TRIOBP: variants seen among roughly 807,000 people sequenced by gnomAD.
TRIOBP encodes TRIO and F-actin-binding protein.
In TRIOBP, 169 loss-of-function variants were observed where a neutral mutation model predicts 238.8. That is an observed-to-expected ratio of 0.71 (90% CI 0.62 to 0.80). The LOEUF (loss-of-function observed/expected upper bound fraction) is 0.80, where lower values mean the gene tolerates loss of function less well. Ranked by LOEUF, TRIOBP falls within the 30% of genes least tolerant of loss-of-function variation. The pLI, the probability that TRIOBP is intolerant of heterozygous loss-of-function variation, is 0.00. For synonymous variants in TRIOBP, 1,150 were observed against 1,274.4 expected (o/e 0.90, Z 2.08); for missense variants, 2,838 against 3,122.6 (o/e 0.91, Z 2.17).
chr22:37,755,437 T>C, intron 14 of TRIOBP, 113 bp from the exon 15 acceptor site: 1 of 1,055,596 alleles, frequency 9.5e-7, no homozygotes, highest in Non-Finnish European at 1.4e-6. Context: ...CACCCCAGAC[T>C]CAAGACCTTA....
chr22:37,704,281 G>A (rs1405561975), intron 3 of TRIOBP, among the ~76,000 whole-genome samples: 9 of 152,176 alleles, frequency 5.9e-5, no homozygotes, highest in Non-Finnish European at 2.9e-5. Flanking sequence ...TACTCAGGAG[G>A]CTGAGGTGGG....
chr22:37,723,473 A>G lies in TRIOBP; in HGVS notation c.917A>G (p.Gln306Arg). 3 of 1,612,492 alleles carry G rather than the reference A, an allele frequency of 1.9e-6. No homozygotes were observed. Among genetic ancestry groups the G allele is most frequent in the Non-Finnish European group, 2.5e-6 (3 of 1,179,636 alleles). Residue 306 changes from glutamine to arginine, a missense_variant, in exon 7 of 24, where the codon CAA becomes CGA. Coordinates refer to ENST00000644935, the MANE Select transcript of TRIOBP (RefSeq NM_001039141.3). The stretch of plus-strand genomic sequence containing the variant: ...GAAATCTCCAGGGCCTCATCCACCC[A>G]ACAGGAAACCTCCAGGGCCTCATCC... ...QQEISRASST[Q>R]QETSRASSTQ...
intron 11 of TRIOBP, among the ~76,000 whole-genome samples, chr22:37,747,678 T>A (rs1383422658): frequency 6.6e-6 from 1 of 152,234 alleles, no homozygotes; most frequent in Non-Finnish European, 1.5e-5. Context: ...GAAGTTGCCT[T>A]GCCCACCGGG....
intron 11 of TRIOBP, among the ~76,000 whole-genome samples, chr22:37,744,257 G>A (rs979140817): frequency 2.0e-5 from 3 of 151,926 alleles, no homozygotes; most frequent in Non-Finnish European, 4.4e-5. Context: ...TGATCCACCC[G>A]CCTCGGCCTC....
intron 7 of TRIOBP, among the ~76,000 whole-genome samples, chr22:37,727,061 C>A (rs1269336936): frequency 6.6e-6 from 1 of 151,790 alleles, no homozygotes; most frequent in African/African-American, 2.4e-5. Context: ...CACGTGCCAC[C>A]ACACCCGGCT....
Position 37,715,578 on chromosome 22 carries a change from C to T in TRIOBP, c.457-185C>T, listed in dbSNP as rs1174943668. On this transcript the variant is annotated intron_variant, in intron 5 of 23. Coordinates refer to ENST00000644935, the MANE Select transcript of TRIOBP (RefSeq NM_001039141.3). ...CAGGATGGTCTCGATCTCCTGACCT[C>T]GTGATCCACCCACCTCGTCCTCCCA... 3.3e-5 allele frequency among the ~76,000 whole-genome samples: 5 copies of T among 150,176 alleles called. No homozygotes were observed. In the South Asian group the frequency reaches 6.3e-4, roughly 19 times the overall value.
chr22:37,763,235 C>T (rs1156329576), intron 17 of TRIOBP, among the ~76,000 whole-genome samples: 1 of 152,162 alleles, frequency 6.6e-6, no homozygotes, highest in East Asian at 1.9e-4. Flanking sequence ...GCCCAGGGAG[C>T]CTCGGGGGCT....
intron 21 of TRIOBP, among the ~76,000 whole-genome samples, chr22:37,770,074 T>C (rs1926689562): frequency 6.7e-6 from 1 of 150,186 alleles, no homozygotes; most frequent in Non-Finnish European, 1.5e-5. Context: ...GACAGAGTTT[T>C]GCTGTTGTTG....
intron 6 of TRIOBP, among the ~76,000 whole-genome samples, chr22:37,719,157 C>T (rs186373397): frequency 1.1e-4 from 17 of 150,314 alleles, no homozygotes; most frequent in African/African-American, 3.9e-4. Context: ...GAGCTGAGAT[C>T]GCCCCACTGC....
chr22:37,734,506 G>A lies in TRIOBP; in HGVS notation c.4170G>A (p.Gln1390=), dbSNP rs564145062. Reference sequence around the variant, plus strand: ...GACCTGAGGGAGATCGGCAGCTCCAGGGGTCCCCGCTGCCCCCCAGGACAT... The same window carrying A: ...GACCTGAGGGAGATCGGCAGCTCCAAGGGTCCCCGCTGCCCCCCAGGACAT... ...EKRPEGDRQL[Q]GSPLPPRTSA... Residue 1390 remains glutamine (Q), a synonymous_variant, in exon 9 of 24, where the codon CAG becomes CAA. Transcript: ENST00000644935. 1.5e-5 allele frequency: 24 copies of A among 1,608,696 alleles called. No individual in the cohort carries two copies. Among genetic ancestry groups the A allele is most frequent in the Non-Finnish European group, 1.8e-5 (21 of 1,178,170 alleles).
chr22:37,714,127 G>A (rs188385866), intron 5 of TRIOBP, among the ~76,000 whole-genome samples: 6 of 152,140 alleles, frequency 3.9e-5, no homozygotes, highest in African/African-American at 9.7e-5. Context: ...GAGGCTCAGC[G>A]GGGGGAGCAA....
chr22:37,720,477 A>G (rs928933118), intron 6 of TRIOBP, among the ~76,000 whole-genome samples: 7 of 151,900 alleles, frequency 4.6e-5, no homozygotes, highest in African/African-American at 1.7e-4. Flanking sequence ...CAGGTTTCCC[A>G]TCTCTTCCAG....
intron 3 of TRIOBP, among the ~76,000 whole-genome samples, chr22:37,708,074 GTC>G (rs1923041982): frequency 1.3e-5 from 2 of 149,740 alleles, no homozygotes; most frequent in African/African-American, 4.9e-5. Flanking sequence ...GTGAAACCCT[GTC>G]TCTACTAAAA....
chr22:37,754,885 C>T lies in TRIOBP; in HGVS notation c.5388C>T (p.Ser1796=). 1.2e-6 allele frequency: 2 copies of T among 1,614,144 alleles called. No individual in the cohort carries two copies. The highest frequency in any genetic ancestry group is 1.3e-5 in the African/African-American group (1 of 75,036). ...TTCCATCCTCCTTGCAGCCTCCCTCCCCCTCGCTCACCACCACCTCTACTT... is the reference window on the plus strand; with the variant it reads ...TTCCATCCTCCTTGCAGCCTCCCTCTCCCTCGCTCACCACCACCTCTACTT... ...SILDEPGEPP[S]PSLTTTSTSQ... The change falls in exon 13 of 24, where the codon TCC becomes TCT. Residue 1796 remains serine (S), a synonymous_variant. Transcript: ENST00000644935.
chr22:37,698,217 AAGAAAG>A (rs1200991716), intron 2 of TRIOBP, among the ~76,000 whole-genome samples: 5 of 127,620 alleles, frequency 3.9e-5, no homozygotes, highest in African/African-American at 1.5e-4. Context: ...AAAAAAAAAA[AAGAAAG>A]AAAGACACCA....
At chr22:37,763,294 G>T (rs1240319748) in intron 17 of TRIOBP, among the ~76,000 whole-genome samples, 1 of 152,200 alleles carries the variant, frequency 6.6e-6, no homozygotes, top group Non-Finnish European at 1.5e-5. Flanking sequence ...GCTCAGAGGG[G>T]GCGAGGGGTT....
intron 23 of TRIOBP, among the ~76,000 whole-genome samples, chr22:37,773,427 C>T (rs984184128): frequency 6.6e-6 from 1 of 152,136 alleles, no homozygotes; most frequent in Non-Finnish European, 1.5e-5. Context: ...CCGTGATTTC[C>T]CAGGCTGGTC....
rs763982072 is a variant in TRIOBP at position 37,723,664 on chromosome 22, A to C, written c.1108A>C (p.Thr370Pro). 1 of 1,613,774 alleles carries C rather than the reference A, an allele frequency of 6.2e-7. No homozygotes were observed. Among genetic ancestry groups the C allele is most frequent in the South Asian group, 1.1e-5 (1 of 91,038 alleles). ...GGACAACCCCCAAACTTCTTTTCCTACTTGTACTCCCCAGCGGGAAAACCC... is the reference window on the plus strand; with the variant it reads ...GGACAACCCCCAAACTTCTTTTCCTCCTTGTACTCCCCAGCGGGAAAACCC... ...QQDNPQTSFP[T>P]CTPQRENPRT... is the part of the protein sequence containing the mutation. Residue 370 changes from threonine to proline, a missense_variant, in exon 7 of 24, where the codon ACT becomes CCT. Thr to Pro is a conservative substitution (Grantham distance 38). Transcript: ENST00000644935.
At chr22:37,734,292 G>C in intron 8 of TRIOBP, 107 bp from the exon 9 acceptor site, 1 of 1,079,746 alleles carries the variant, frequency 9.3e-7, no homozygotes, top group Non-Finnish European at 1.4e-6. Context: ...TTTGATTCAG[G>C]CTGCTGTGTG....
Sources: gnomAD v4.1 joint callset for allele counts (sites outside exome capture counted in the v4.1 genomes callset) on GRCh38, gnomAD v4.1.1 for gene constraint, MANE v1.5 for transcripts, NCBI Gene and HGNC (gene_info 2026-07-23, HGNC 2026-07-21) for gene names.